PRKD3: variants seen among roughly 807,000 people sequenced by gnomAD.
The protein encoded by PRKD3 is protein kinase D3, also known as serine/threonine-protein kinase D3.
A neutral mutation model predicts 99.2 loss-of-function variants in PRKD3; 47 were observed. The observed-to-expected ratio is 0.47, with a 90% CI of 0.38 to 0.60. The LOEUF (loss-of-function observed/expected upper bound fraction) is 0.60. Ranked by LOEUF, PRKD3 falls within the 20% of genes least tolerant of loss-of-function variation. PRKD3 has a pLI of 0.00. For missense variants in PRKD3, 1,019 were observed against 1,088.4 expected (o/e 0.94, Z 0.90); for synonymous variants, 392 against 355.4 (o/e 1.10, Z -1.16).
At chr2:37,295,289 A>G (rs1670626885) in intron 2 of PRKD3, among the ~76,000 whole-genome samples, 1 of 152,166 alleles carries the variant, frequency 6.6e-6, no homozygotes, top group African/African-American at 2.4e-5. Flanking sequence ...CAAAATTAAA[A>G]TAAAAAATTA....
At chr2:37,278,882 G>A (rs971911015) in intron 8 of PRKD3, 1 of 151,842 alleles carries the variant, frequency 6.6e-6, no homozygotes, top group Non-Finnish European at 1.5e-5. Flanking sequence ...GTTGAAGTGA[G>A]TGGAGATTGT....
At chr2:37,285,647 A>C (rs1670055383) in intron 6 of PRKD3, among the ~76,000 whole-genome samples, 1 of 152,214 alleles carries the variant, frequency 6.6e-6, no homozygotes, top group Non-Finnish European at 1.5e-5. Flanking sequence ...TCAAAAAGAC[A>C]TAAAACCTCA....
intron 14 of PRKD3, among the ~76,000 whole-genome samples, chr2:37,267,081 T>A (rs1253853636): frequency 6.6e-6 from 1 of 152,162 alleles, no homozygotes; most frequent in Non-Finnish European, 1.5e-5. Context: ...AAAAGGTACA[T>A]AATTTTAAAG....
intron 14 of PRKD3, among the ~76,000 whole-genome samples, chr2:37,266,284 T>G (rs1474838468): frequency 6.6e-6 from 1 of 152,232 alleles, no homozygotes; most frequent in Non-Finnish European, 1.5e-5. Context: ...GGAGGCTGTC[T>G]TGAATTTCAC....
chr2:37,286,372 A>G lies in PRKD3; in HGVS notation c.718-3T>C, dbSNP rs373040027. The G allele has an allele frequency of 5.6e-6, 9 of 1,611,992 alleles. No individual in the cohort carries two copies. The African/African-American group carries it at 9.3e-5, about 17-fold the overall frequency. On this transcript the variant is annotated splice_polypyrimidine_tract_variant and splice_region_variant and intron_variant, in intron 5 of 18. Transcript: ENST00000234179. ...CTTGGTTCCTGGTGGACATGTGACT[A>G]TAACATAAGTAATTTTCATAAGTGT...
At chr2:37,265,584 A>G (rs1668782788) in intron 14 of PRKD3, among the ~76,000 whole-genome samples, 1 of 152,172 alleles carries the variant, frequency 6.6e-6, no homozygotes, top group Non-Finnish European at 1.5e-5. Flanking sequence ...CTTAGATTCA[A>G]ACTCTGAATC....
chr2:37,264,755 A>G (rs1668718589), intron 14 of PRKD3, among the ~76,000 whole-genome samples: 1 of 152,162 alleles, frequency 6.6e-6, no homozygotes, highest in African/African-American at 2.4e-5. Context: ...GGAAAAAAAA[A>G]GACTCAATTT....
At position 37,253,126 on chromosome 2, in the gene PRKD3, A is replaced by C; in HGVS notation, c.*51T>G. ...TCTACAAAGAACAAGTTACACAGCA[A>C]AATATCAGTCCATAAAATGAAATCC... is the stretch of plus-strand genomic sequence containing the variant. On this transcript the variant is annotated 3_prime_UTR_variant, in exon 19 of 19. Transcript: ENST00000234179. The C allele has an allele frequency of 1.3e-6, 2 of 1,512,394 alleles. No homozygotes were observed. The highest frequency in any genetic ancestry group is 2.5e-5 in the South Asian group (2 of 80,514). The allele number at this position is 1,512,394 out of a possible 1,614,324, so 93.7% of individuals were successfully genotyped here.
chr2:37,324,357 C>A (rs1672022693), intron 1 of PRKD3: 40 of 368,470 alleles, frequency 1.1e-4, no homozygotes, highest in Non-Finnish European at 1.5e-4. Flanking sequence ...TCCAGCGGAG[C>A]GCGAACCCAA....
At chr2:37,277,031 C>T (rs780377011) in intron 9 of PRKD3, among the ~76,000 whole-genome samples, 2 of 151,952 alleles carry the variant, frequency 1.3e-5, no homozygotes, top group Non-Finnish European at 2.9e-5. Flanking sequence ...ATACACACTG[C>T]AGTCTATACT....
At chr2:37,313,915 A>ACGTT (rs1671552008) in intron 2 of PRKD3, among the ~76,000 whole-genome samples, 2 of 152,182 alleles carry the variant, frequency 1.3e-5, no homozygotes, top group Admixed American at 1.3e-4. Context: ...AAGCCAAGGA[A>ACGTT]CATCTGTAAG....
In PRKD3 at chr2:37,251,918, A is replaced by C. The variant is rs1486326704; in HGVS notation, c.*1259T>G. The C allele has an allele frequency of 1.3e-5, 2 of 152,216 alleles. No individual in the cohort carries two copies. The highest frequency in any genetic ancestry group is 2.9e-5 in the Non-Finnish European group (2 of 68,040). The allele number at this position is 152,216 out of a possible 1,614,324, so 9.4% of individuals were successfully genotyped here. ...GTTTACAATGATTACTGAGAAATGA[A>C]GAAATAAGCCACTGTTTCTTACAAG... is the stretch of plus-strand genomic sequence containing the variant. On this transcript the variant is annotated 3_prime_UTR_variant, in exon 19 of 19. Transcript: ENST00000234179.
Position 37,282,604 on chromosome 2 carries a change from C to A in PRKD3, c.926G>T (p.Cys309Phe). 6.2e-7 allele frequency: 1 copy of A among 1,600,056 alleles called. No homozygotes were observed. The highest frequency in any genetic ancestry group is 8.6e-7 in the Non-Finnish European group (1 of 1,167,484). The stretch of plus-strand genomic sequence containing the variant: ...TACTTTTGATGCACAGCGTTTATGG[C>A]AGTTGAATTTGCAATCTAAAATGAA... ...GMQCKDCKFN[C>F]HKRCASKVPR... The change falls in exon 7 of 19, where the codon TGC (cysteine) becomes TTC (phenylalanine). Residue 309 changes from cysteine (C) to phenylalanine (F), a missense_variant. This residue lies in a region of PRKD3 where 710 missense variants were observed against 692.7 expected (regional missense o/e 1.02). Transcript: ENST00000234179.
chr2:37,319,136 G>C (rs1427620282), intron 1 of PRKD3, among the ~76,000 whole-genome samples: 1 of 152,078 alleles, frequency 6.6e-6, no homozygotes, highest in South Asian at 2.1e-4. Context: ...ATATGGTTGA[G>C]AAAACAAAGG....
intron 16 of PRKD3, 136 bp from the exon 17 acceptor site, chr2:37,257,065 G>A: frequency 9.9e-7 from 1 of 1,009,648 alleles, no homozygotes; most frequent in Non-Finnish European, 1.4e-6. Context: ...TCACAGATAA[G>A]GAAATTGTAA....
At chr2:37,280,183 T>A (rs918791382) in intron 7 of PRKD3, among the ~76,000 whole-genome samples, 2 of 151,888 alleles carry the variant, frequency 1.3e-5, no homozygotes, top group Non-Finnish European at 2.9e-5. Context: ...TAGCTGGGAT[T>A]ACAGGCGCCC....
At chr2:37,280,039 A>C (rs1408890402) in intron 7 of PRKD3, 110 bp from the exon 8 acceptor site, 1 of 692,636 alleles carries the variant, frequency 1.4e-6, no homozygotes. Flanking sequence ...TTTATGAGTT[A>C]AGTAAAGTAT....
chr2:37,265,560 G>A (rs1041993515), intron 14 of PRKD3, among the ~76,000 whole-genome samples: 8 of 152,090 alleles, frequency 5.3e-5, no homozygotes, highest in African/African-American at 1.9e-4. Flanking sequence ...AAGTGCATAT[G>A]GTTTGCAGAC....
At chr2:37,293,329 C>T (rs912568337) in intron 2 of PRKD3, 58 bp from the exon 3 acceptor site, 43 of 1,416,922 alleles carry the variant, frequency 3.0e-5, no homozygotes, top group South Asian at 8.4e-5. Context: ...TATAAGTAAA[C>T]GTTTCAATTT....
Sources: gnomAD v4.1 joint callset for allele counts (sites outside exome capture counted in the v4.1 genomes callset) on GRCh38, gnomAD v4.1.1 for gene constraint, gnomAD v4.1.1 regional missense constraint, MANE v1.5 for transcripts, NCBI Gene and HGNC (gene_info 2026-07-23, HGNC 2026-07-21) for gene names.